The following CTNNA2 variants were observed in gnomAD, a reference collection of about 807,000 sequenced individuals.
CTNNA2 encodes the protein catenin alpha-2.
A neutral mutation model predicts 101.0 loss-of-function variants in CTNNA2; 42 were observed. The observed-to-expected ratio is 0.42, with a 90% CI of 0.32 to 0.54. CTNNA2 has a LOEUF of 0.54. Among genes scored for constraint, CTNNA2 ranks in the 20% least tolerant of loss-of-function variants. The pLI is 0.14. For missense variants in CTNNA2, 871 were observed against 1,223.1 expected (o/e 0.71, Z 4.29); for synonymous variants, 450 against 456.4 (o/e 0.99, Z 0.18).
chr2:79,926,531 G>A (rs959729807), intron 7 of CTNNA2, among the ~76,000 whole-genome samples: 6 of 151,974 alleles, frequency 3.9e-5, no homozygotes, highest in African/African-American at 9.6e-5. Flanking sequence ...TTAGCAGAAC[G>A]AATGCTTACC....
intron 7 of CTNNA2, among the ~76,000 whole-genome samples, chr2:80,365,928 C>T (rs961270346): frequency 2.0e-5 from 3 of 152,130 alleles, no homozygotes; most frequent in Admixed American, 1.3e-4. Flanking sequence ...CCCTCGGGGC[C>T]TGCTGCTCTC....
At chr2:80,387,531 G>A (rs1677130283) in intron 7 of CTNNA2, among the ~76,000 whole-genome samples, 2 of 152,110 alleles carry the variant, frequency 1.3e-5, no homozygotes, top group African/African-American at 4.8e-5. Context: ...GGGGCAAAGA[G>A]CAGTGTTATT....
intron 7 of CTNNA2, among the ~76,000 whole-genome samples, chr2:79,917,195 C>T (rs1398905498): frequency 6.6e-6 from 1 of 151,966 alleles, no homozygotes; most frequent in African/African-American, 2.4e-5. Flanking sequence ...CCTCAGCCTG[C>T]CGAGTAGCTG....
chr2:80,296,860 A>G (rs566168768), intron 7 of CTNNA2, among the ~76,000 whole-genome samples: 1 of 152,294 alleles, frequency 6.6e-6, no homozygotes, highest in African/African-American at 2.4e-5. Flanking sequence ...TCCAGACACA[A>G]ACAAGTAAAT....
At chr2:80,010,402 C>T (rs1291586991) in intron 7 of CTNNA2, among the ~76,000 whole-genome samples, 2 of 152,064 alleles carry the variant, frequency 1.3e-5, no homozygotes, top group Non-Finnish European at 2.9e-5. Context: ...TCACTACAGC[C>T]TCAAATAATC....
intron 1 of CTNNA2, among the ~76,000 whole-genome samples, chr2:79,538,053 C>T (rs1471141501): frequency 6.6e-6 from 1 of 152,082 alleles, no homozygotes; most frequent in Non-Finnish European, 1.5e-5. Context: ...ACTCCATTCA[C>T]TCAATGTAGA....
chr2:80,075,620 A>G (rs1401534484), intron 7 of CTNNA2, among the ~76,000 whole-genome samples: 1 of 106,536 alleles, frequency 9.4e-6, no homozygotes. Flanking sequence ...ATGTATAAAT[A>G]TAAATATTTA....
chr2:80,056,718 C>A (rs1313964712), intron 7 of CTNNA2, among the ~76,000 whole-genome samples: 1 of 152,176 alleles, frequency 6.6e-6, no homozygotes, highest in Admixed American at 6.6e-5. Flanking sequence ...AAATGCTATG[C>A]AAGGTACTAT....
At chr2:79,940,444 T>C (rs1688077611) in intron 7 of CTNNA2, among the ~76,000 whole-genome samples, 1 of 152,224 alleles carries the variant, frequency 6.6e-6, no homozygotes, top group African/African-American at 2.4e-5. Context: ...GCTTGGGGAA[T>C]ACTCATTGCT....
chr2:79,563,647 ATAT>A (rs974993851), intron 1 of CTNNA2, among the ~76,000 whole-genome samples: 1 of 152,146 alleles, frequency 6.6e-6, no homozygotes, highest in Admixed American at 6.6e-5. Flanking sequence ...AATTATGCAA[ATAT>A]TATTTTCATG....
intron 1 of CTNNA2, among the ~76,000 whole-genome samples, chr2:79,593,880 G>GTTTTTTTTTTTT (rs945227300): frequency 2.3e-5 from 2 of 85,440 alleles, no homozygotes; most frequent in African/African-American, 5.3e-5. Flanking sequence ...CTTTCTTTTA[G>GTTTTTTTTTTTT]TTTTTTTTTT....
intron 4 of CTNNA2, among the ~76,000 whole-genome samples, chr2:79,446,882 A>G (rs1678839118): frequency 6.6e-6 from 1 of 151,968 alleles, no homozygotes; most frequent in Non-Finnish European, 1.5e-5. Context: ...GTTTCCTCTA[A>G]TCTCCTTTTT....
intron 3 of CTNNA2, among the ~76,000 whole-genome samples, chr2:79,350,651 C>T (rs1052810171): frequency 6.6e-6 from 1 of 151,986 alleles, no homozygotes; most frequent in Non-Finnish European, 1.5e-5. Flanking sequence ...AGATAGATAC[C>T]CACTAGTGGG....
intron 1 of CTNNA2, among the ~76,000 whole-genome samples, chr2:79,588,939 G>T (rs1275846577): frequency 1.3e-5 from 2 of 152,184 alleles, no homozygotes; most frequent in Admixed American, 6.5e-5. Context: ...CATAAATTGA[G>T]ACTATTAACA....
chr2:79,196,329 A>G (rs1673961003), intron 1 of CTNNA2, among the ~76,000 whole-genome samples: 1 of 152,132 alleles, frequency 6.6e-6, no homozygotes, highest in African/African-American at 2.4e-5. Context: ...TTCTCCTGCC[A>G]AGTAGTGATT....
intron 17 of CTNNA2, among the ~76,000 whole-genome samples, chr2:80,611,261 C>T (rs1698446882): frequency 6.7e-6 from 1 of 150,228 alleles, no homozygotes; most frequent in African/African-American, 2.5e-5. Context: ...AGCCAGTTTA[C>T]AGGCTTTTTT....
At chr2:80,115,856 A>G (rs1425357288) in intron 7 of CTNNA2, among the ~76,000 whole-genome samples, 3 of 152,206 alleles carry the variant, frequency 2.0e-5, no homozygotes, top group Non-Finnish European at 2.9e-5. Context: ...CCTGTTGACC[A>G]GGGTTTAGGT....
At chr2:79,888,990 T>C (rs2916511) in intron 6 of CTNNA2, among the ~76,000 whole-genome samples, 39,739 of 152,112 alleles carry the variant, frequency 0.26, 5,617 homozygotes, top group Middle Eastern at 0.36. Context: ...ATGTTTGATT[T>C]TTTAATCTTT....
chr2:80,622,782 C>T (rs1242040708), intron 18 of CTNNA2, among the ~76,000 whole-genome samples: 1 of 151,646 alleles, frequency 6.6e-6, no homozygotes, highest in East Asian at 2.0e-4. Flanking sequence ...TTACCTTGGC[C>T]ATTCTAAAAG....
Sources: allele counts gnomAD v4.1 joint callset (sites outside exome capture counted in the v4.1 genomes callset), GRCh38; gene constraint gnomAD v4.1.1; transcripts MANE v1.5; gene names NCBI Gene and HGNC (gene_info 2026-07-23, HGNC 2026-07-21).